Variants in HLA-DRB1 observed in about 807,000 individuals in gnomAD.
HLA-DRB1 encodes the protein major histocompatibility complex, class II, DR beta 1 precursor.
A neutral mutation model predicts 27.9 loss-of-function variants in HLA-DRB1; 10 were observed. That is an observed-to-expected ratio of 0.36 (90% CI 0.22 to 0.61). The LOEUF is 0.61. HLA-DRB1 is among the 20% of genes least tolerant of loss of function. The probability of loss-of-function intolerance (pLI) is 0.73; values close to 1 mark genes in which losing one functional copy is unlikely to be tolerated. For missense variants in HLA-DRB1, 118 were observed against 306.3 expected (o/e 0.39, Z 4.59); for synonymous variants, 57 against 126.7 (o/e 0.45, Z 3.69).
chr6:32,582,520 C>CA (rs1775699963), intron 2 of HLA-DRB1, among the ~76,000 whole-genome samples: 3 of 95,678 alleles, frequency 3.1e-5, no homozygotes, highest in Non-Finnish European at 6.3e-5. Flanking sequence ...GAATACTACT[C>CA]CCATGCACTC....
rs767123455 is a variant in HLA-DRB1 at position 32,582,937 on chromosome 6, AGATC to A, written c.371-1103_371-1100del. Reference sequence around the variant, plus strand: ...AAATGGCAGATTTCAGATGGATTGTAGATCATTAATAAAAATGTTGCAATATATT... The same window carrying A: ...AAATGGCAGATTTCAGATGGATTGTAATTAATAAAAATGTTGCAATATATT... On this transcript the variant is annotated intron_variant, in intron 2 of 5. Transcript: ENST00000360004. 6.3e-3 allele frequency among the ~76,000 whole-genome samples: 763 copies of A among 121,778 alleles called. 25 individuals are homozygous for A. The highest frequency in any genetic ancestry group is 0.03 in the Middle Eastern group (7 of 236). 79.9% of individuals were successfully genotyped at this position (121,778 alleles called of 152,430 possible).
At chr6:32,580,631 G>C (rs35121737) in intron 4 of HLA-DRB1, 115 bp downstream of exon 4, 471 of 921,754 alleles carry the variant, frequency 5.1e-4, no homozygotes, top group Admixed American at 6.7e-4. Flanking sequence ...GAGCCGTTTG[G>C]GGAAAGAAAG....
rs17885222 is a variant in HLA-DRB1, at chr6:32,584,178, G to A, written c.301C>T (p.Arg101Trp). 497 of 583,868 alleles carry A rather than the reference G, an allele frequency of 8.5e-4. 45 individuals are homozygous for A. The highest frequency in any genetic ancestry group is 5.8e-3 in the South Asian group (188 of 32,638). The allele number at this position is 583,868 out of a possible 1,614,324, so 36.2% of individuals were successfully genotyped here. A position where few individuals can be genotyped will look rare whatever the true frequency, so the allele number is the denominator to read the frequency against. ...CTGCAGTAGGTGTCCACCGCGGCCCGCGCCTGCTCCAGGATGTCCTTCTGG... is the reference window on the plus strand; with the variant it reads ...CTGCAGTAGGTGTCCACCGCGGCCCACGCCTGCTCCAGGATGTCCTTCTGG... Residue 101 changes from arginine (R) to tryptophan (W), a missense_variant, in exon 2 of 6, where the codon CGG (arginine) becomes TGG (tryptophan). Transcript: ENST00000360004.
rs1178002827 is a variant in HLA-DRB1, at chr6:32,580,126, C to CA, written c.787+120dup. ...TCAAAAAAAAAAAAAAAAAAAAAAA[C>CA]AAAAAAAAACCTCTTGTAAGAAAAG... On this transcript the variant is annotated intron_variant, in intron 5 of 5. Transcript: ENST00000360004. 47 of 126,632 alleles carry CA rather than the reference C, an allele frequency of 3.7e-4. 2 individuals are homozygous for CA. Among genetic ancestry groups the CA allele is most frequent in the East Asian group, 8.3e-4 (2 of 2,402 alleles). 7.8% of individuals were successfully genotyped at this position (126,632 alleles called of 1,614,324 possible). A position where few individuals can be genotyped will look rare whatever the true frequency, so the allele number is the denominator to read the frequency against.
At chr6:32,584,003 TCTCTGTCTCTCTCTCACA>T (rs1192040561) in intron 2 of HLA-DRB1, 88 bp downstream of exon 2, 4 of 331,076 alleles carry the variant, frequency 1.2e-5, no homozygotes, top group Non-Finnish European at 1.7e-5. Context: ...TCTCTGTCTC[TCTCTGTCTCTCTCTCACA>T]CACACACACA....
Position 32,589,461 on chromosome 6 carries a change from T to C in HLA-DRB1, c.100+182A>G, listed in dbSNP as rs1395794077. ...GCAAAGGCCCCTTACACAAGTCTCATGAAGAGGGCAAGTACCCAAGCTCCT... is the reference window on the plus strand; with the variant it reads ...GCAAAGGCCCCTTACACAAGTCTCACGAAGAGGGCAAGTACCCAAGCTCCT... On this transcript the variant is annotated intron_variant, in intron 1 of 5. Coordinates refer to ENST00000360004, the Ensembl canonical transcript of HLA-DRB1. 3.5e-3 allele frequency among the ~76,000 whole-genome samples: 319 copies of C among 90,682 alleles called. 6 individuals carry two copies. The highest frequency in any genetic ancestry group is 0.013 in the African/African-American group (300 of 23,572). The allele number at this position is 90,682 out of a possible 152,430, so 59.5% of individuals were successfully genotyped here.
chr6:32,581,481 G>C, intron 3 of HLA-DRB1, 76 bp downstream of exon 3: 1 of 659,854 alleles, frequency 1.5e-6, no homozygotes, highest in South Asian at 2.0e-5. Flanking sequence ...TGGGAGAGGA[G>C]GAACCTGACA....
At chr6:32,585,862 T>TG (rs1176151860) in intron 1 of HLA-DRB1, among the ~76,000 whole-genome samples, 36 of 145,582 alleles carry the variant, frequency 2.5e-4, no homozygotes, top group Non-Finnish European at 4.9e-4. Context: ...GAGATGTATA[T>TG]GTTTTTAAAT....
chr6:32,581,828 CT>C lies in HLA-DRB1; in HGVS notation c.380del (p.Lys127ArgfsTer2). On this transcript the variant is annotated frameshift_variant, in exon 3 of 6. Coordinates refer to ENST00000360004, the Ensembl canonical transcript of HLA-DRB1. LOFTEE classifies it high-confidence loss of function. ...GGGTCTTTGAAGGATATACAGTCAC[CT>C]TAGGTTGGACTAGGAGAAAAACAAC... The C allele has an allele frequency of 7.9e-7, 1 of 1,268,794 alleles. No homozygotes were observed. Among genetic ancestry groups the C allele is most frequent in the Non-Finnish European group, 1.1e-6 (1 of 905,542 alleles). The allele number at this position is 1,268,794 out of a possible 1,614,324, so 78.6% of individuals were successfully genotyped here. A position where few individuals can be genotyped will look rare whatever the true frequency, so the allele number is the denominator to read the frequency against.
At chr6:32,582,196 G>T (rs1775637014) in intron 2 of HLA-DRB1, among the ~76,000 whole-genome samples, 1 of 115,778 alleles carries the variant, frequency 8.6e-6, no homozygotes. Context: ...GATCCTGGAA[G>T]AGTTTTTTGA....
chr6:32,587,440 T>C (rs9270141), intron 1 of HLA-DRB1, among the ~76,000 whole-genome samples: 18,991 of 43,680 alleles, frequency 0.43, 8,283 homozygotes, highest in Non-Finnish European at 0.47. Flanking sequence ...TTTTTTTTAC[T>C]GTGGACATCA....
intron 3 of HLA-DRB1, among the ~76,000 whole-genome samples, chr6:32,581,184 T>C (rs181361572): frequency 2.9e-4 from 23 of 80,072 alleles, no homozygotes; most frequent in Middle Eastern, 6.5e-3. Flanking sequence ...TCCCCTCATG[T>C]CAGGTAGGCC....
chr6:32,585,697 C>A, intron 1 of HLA-DRB1, among the ~76,000 whole-genome samples: 1 of 111,432 alleles, frequency 9.0e-6, no homozygotes. Flanking sequence ...TGGTTTATGT[C>A]AAATAATGCA....
At position 32,584,675 on chromosome 6, in the gene HLA-DRB1, C is replaced by T. The variant is rs974401591; in HGVS notation, c.101-297G>A. Reference sequence around the variant, plus strand: ...GAGCTGGAGGAGGATCCGCCCAGCACCGCAGCCCGCGCCGCCTCCTCCTGG... The same window carrying T: ...GAGCTGGAGGAGGATCCGCCCAGCATCGCAGCCCGCGCCGCCTCCTCCTGG... On this transcript the variant is annotated intron_variant, in intron 1 of 5. Transcript: ENST00000360004. Among the ~76,000 whole-genome samples the T allele has an allele frequency of 9.6e-4, 124 of 129,252 alleles. No individual in the cohort carries two copies. The East Asian group carries it at 0.022, about 23-fold the overall frequency. 84.8% of individuals were successfully genotyped at this position (129,252 alleles called of 152,430 possible).
intron 2 of HLA-DRB1, among the ~76,000 whole-genome samples, chr6:32,583,218 G>C (rs9269889): frequency 2.2e-5 from 1 of 44,446 alleles, no homozygotes; most frequent in African/African-American, 9.7e-5. Flanking sequence ...AATAAATAGG[G>C]CAAAATAATT....
At position 32,584,887 on chromosome 6, in the gene HLA-DRB1, T is replaced by C. The variant is rs551081202; in HGVS notation, c.101-509A>G. Reference sequence around the variant, plus strand: ...TCCTCTGGGGGAGCTTAAAGAGCAGTGAAAGCGATGGCCAAAAACCAAACA... The same window carrying C: ...TCCTCTGGGGGAGCTTAAAGAGCAGCGAAAGCGATGGCCAAAAACCAAACA... On this transcript the variant is annotated intron_variant, in intron 1 of 5. Coordinates refer to ENST00000360004, the Ensembl canonical transcript of HLA-DRB1. Among the ~76,000 whole-genome samples, 247 of 108,834 alleles carry C rather than the reference T, an allele frequency of 2.3e-3. No homozygotes were observed. In the East Asian group the frequency reaches 0.041, roughly 18 times the overall value. 71.4% of individuals were successfully genotyped at this position (108,834 alleles called of 152,430 possible).
chr6:32,584,015 TCTCACACA>T (rs1232789489), intron 2 of HLA-DRB1, 86 bp downstream of exon 2: 8 of 267,942 alleles, frequency 3.0e-5, no homozygotes, highest in Middle Eastern at 1.6e-3. Flanking sequence ...TCTGTCTCTC[TCTCACACA>T]CACACACACA....
intron 1 of HLA-DRB1, among the ~76,000 whole-genome samples, chr6:32,586,043 TAAATATTGG>T (rs1776334176): frequency 1.1e-5 from 1 of 87,186 alleles, no homozygotes; most frequent in Admixed American, 1.2e-4. Flanking sequence ...ATGTCACTAA[TAAATATTGG>T]CTGTGTGAAA....
At chr6:32,584,489 G>T in intron 1 of HLA-DRB1, 111 bp from the exon 2 acceptor site, 1 of 675,428 alleles carries the variant, frequency 1.5e-6, no homozygotes, top group South Asian at 1.8e-5. Flanking sequence ...AACCTTAACC[G>T]GCCCCACCCG....
Sources: allele counts gnomAD v4.1 joint callset (sites outside exome capture counted in the v4.1 genomes callset), GRCh38; gene constraint gnomAD v4.1.1; transcripts MANE v1.5; gene names NCBI Gene and HGNC (gene_info 2026-07-23, HGNC 2026-07-21).